Variants in NEK1 observed in about 807,000 individuals in gnomAD.
NEK1 encodes NIMA related kinase 1, also known as serine/threonine-protein kinase Nek1.
A neutral mutation model predicts 182.1 loss-of-function variants in NEK1; 137 were observed. The observed-to-expected ratio is 0.75, with a 90% CI of 0.65 to 0.87. The LOEUF (loss-of-function observed/expected upper bound fraction) is 0.87, where lower values mean the gene tolerates loss of function less well. Among genes scored for constraint, NEK1 ranks in the 40% least tolerant of loss-of-function variants. The pLI is 0.00. For missense variants in NEK1, 1,391 were observed against 1,494.4 expected, an observed-to-expected ratio of 0.93 and a Z score of 1.14; for synonymous variants, 513 against 492.2, an observed-to-expected ratio of 1.04 and a Z score of -0.56.
intron 5 of NEK1, among the ~76,000 whole-genome samples, chr4:169,591,153 C>G (rs527412871): frequency 2.0e-5 from 3 of 147,564 alleles, no homozygotes; most frequent in South Asian, 2.1e-4. Context: ...CGCCCCCCCC[C>G]CACTTCTTTA....
At chr4:169,604,098 T>G (rs1055534017) in intron 2 of NEK1, among the ~76,000 whole-genome samples, 1 of 152,226 alleles carries the variant, frequency 6.6e-6, no homozygotes, top group African/African-American at 2.4e-5. Flanking sequence ...TAAAAACTCC[T>G]TATGTAATGA....
intron 10 of NEK1, 32 bp downstream of exon 10, chr4:169,585,317 T>C (rs1767351923): frequency 1.3e-6 from 2 of 1,545,154 alleles, no homozygotes; most frequent in South Asian, 1.1e-5. Flanking sequence ...AACATAACCC[T>C]ACTGTTTAAT....
chr4:169,576,396 C>T (rs1297956955), intron 12 of NEK1, among the ~76,000 whole-genome samples: 1 of 152,204 alleles, frequency 6.6e-6, no homozygotes, highest in Admixed American at 6.5e-5. Flanking sequence ...ATGAAACAAG[C>T]TCCATATACC....
intron 31 of NEK1, among the ~76,000 whole-genome samples, chr4:169,421,063 A>T (rs949567794): frequency 1.3e-5 from 2 of 152,218 alleles, no homozygotes; most frequent in African/African-American, 4.8e-5. Context: ...AATGGCTATA[A>T]TAAAACCAGA....
At chr4:169,600,551 G>T (rs913497526) in intron 4 of NEK1, among the ~76,000 whole-genome samples, 12 of 152,076 alleles carry the variant, frequency 7.9e-5, no homozygotes, top group African/African-American at 2.7e-4. Context: ...CACTCGTGGT[G>T]CACATATCTT....
rs1409219826 is a variant in NEK1 at position 169,612,068 on chromosome 4, A to C, written c.-97T>G. ...GGAATAACGGTGATGACTAATAAGC[A>C]TCAGTCTAGGTGTGGCAGTCTTCCT... On this transcript the variant is annotated 5_prime_UTR_variant, in exon 2 of 36. It removes an upstream start codon present in the reference 5' UTR. Transcript: ENST00000507142. 1 of 152,252 alleles carries C rather than the reference A, an allele frequency of 6.6e-6. No individual in the cohort carries two copies. Among genetic ancestry groups the C allele is most frequent in the Non-Finnish European group, 1.5e-5 (1 of 68,052 alleles). The allele number at this position is 152,252 out of a possible 1,614,324, so 9.4% of individuals were successfully genotyped here.
At chr4:169,599,777 T>C (rs1000338713) in intron 4 of NEK1, among the ~76,000 whole-genome samples, 1 of 152,188 alleles carries the variant, frequency 6.6e-6, no homozygotes, top group East Asian at 1.9e-4. Context: ...TGAACAAACA[T>C]GAAGATGGGC....
In NEK1 at chr4:169,508,818, C is replaced by T; in HGVS notation, c.1700G>A (p.Gly567Asp). Residue 567 changes from glycine to aspartate, a missense_variant, in exon 20 of 36, where the codon GGC (glycine) becomes GAC (aspartate). Physicochemically the swap from Gly to Asp is moderately conservative, Grantham distance 94. This residue lies in a region of NEK1 where 1,216 missense variants were observed against 1,277.6 expected (regional missense o/e 0.95). Transcript: ENST00000507142. ...ILQNLAAMYG[G>D]RPSSSRGGKP... ...CCCTCCTCTTGAAGAGCTGGGCCTG[C>T]CTCCATACATAGCTGCCAGGTTTTG... 1.9e-6 allele frequency: 3 copies of T among 1,592,042 alleles called. No individual in the cohort carries two copies. Among genetic ancestry groups the T allele is most frequent in the Non-Finnish European group, 2.5e-6 (3 of 1,176,862 alleles).
At chr4:169,418,528 A>T (rs1172878853) in intron 31 of NEK1, among the ~76,000 whole-genome samples, 2 of 152,196 alleles carry the variant, frequency 1.3e-5, no homozygotes, top group Non-Finnish European at 2.9e-5. Flanking sequence ...GTATTAAAGG[A>T]TAAACACGAA....
In NEK1 at chr4:169,576,998, A is replaced by G. The variant is rs1765789930; in HGVS notation, c.950T>C (p.Ile317Thr). The change falls in exon 12 of 36, where the codon ATA becomes ACA. Residue 317 changes from isoleucine to threonine, a missense_variant. Transcript: ENST00000507142. ...TCCATATTTCTTATATGCTAAAGGT[A>G]TTCCATATTTAGCGGCAGGCTTTGT... Reference protein sequence around the residue: ...KITKPAAKYGIPLAYKKYGDK... With the variant: ...KITKPAAKYGTPLAYKKYGDK... 3 of 1,612,262 alleles carry G rather than the reference A, an allele frequency of 1.9e-6. No individual in the cohort carries two copies. Among genetic ancestry groups the G allele is most frequent in the African/African-American group, 2.7e-5 (2 of 74,884 alleles).
rs766089841 is a variant in NEK1 at position 169,585,385 on chromosome 4, A to C, written c.771T>G (p.Phe257Leu). The C allele has an allele frequency of 6.2e-7, 1 of 1,613,588 alleles. No individual in the cohort carries two copies. The highest frequency in any genetic ancestry group is 1.1e-5 in the South Asian group (1 of 91,032). ...GAAACTTTTCAATGCGTTTGGCTAT[A>C]AAACCTTTCTCCAATATGGAGTTGA... ...PSVNSILEKG[F>L]IAKRIEKFLS... The change falls in exon 10 of 36, where the codon TTT becomes TTG. Residue 257 changes from phenylalanine (F) to leucine (L), a missense_variant. Physicochemically the swap from Phe to Leu is conservative, Grantham distance 22. Coordinates refer to ENST00000507142, the MANE Select transcript of NEK1 (RefSeq NM_001199397.3).
intron 12 of NEK1, among the ~76,000 whole-genome samples, chr4:169,574,464 T>C (rs1368489087): frequency 2.0e-5 from 3 of 148,972 alleles, no homozygotes; most frequent in Admixed American, 6.6e-5. Context: ...CTGGGTGTGG[T>C]GGCGGGCGCC....
intron 27 of NEK1, among the ~76,000 whole-genome samples, chr4:169,439,845 CTTTTTTTTTT>C (rs33985502): frequency 7.7e-5 from 9 of 116,384 alleles, no homozygotes; most frequent in Admixed American, 6.2e-4. Flanking sequence ...GTTAGGGTAT[CTTTTTTTTTT>C]TTTTTTTTTT....
intron 12 of NEK1, among the ~76,000 whole-genome samples, chr4:169,565,788 T>G (rs1763579632): frequency 1.3e-5 from 2 of 152,158 alleles, no homozygotes; most frequent in Admixed American, 1.3e-4. Flanking sequence ...AGAGGCTGCC[T>G]AGGGCTGCGG....
At chr4:169,537,048 TAA>T (rs1678604289) in intron 19 of NEK1, among the ~76,000 whole-genome samples, 1 of 152,196 alleles carries the variant, frequency 6.6e-6, no homozygotes, top group Admixed American at 6.5e-5. Flanking sequence ...AGATATGTAA[TAA>T]GTCTAATTAA....
At chr4:169,601,888 G>A (rs929171360) in intron 4 of NEK1, 120 bp downstream of exon 4, 1 of 693,120 alleles carries the variant, frequency 1.4e-6, no homozygotes, top group Middle Eastern at 3.0e-4. Context: ...CTTGAATCAA[G>A]CTGATATTCA....
chr4:169,434,969 T>C (rs1443177148), intron 28 of NEK1, among the ~76,000 whole-genome samples: 1 of 152,254 alleles, frequency 6.6e-6, no homozygotes, highest in Non-Finnish European at 1.5e-5. Context: ...ATTTATTCTC[T>C]GGTCTATCAA....
rs1282899158 is a variant in NEK1 at position 169,571,103 on chromosome 4, T to C, written c.1020+5825A>G. On this transcript the variant is annotated intron_variant, in intron 12 of 35. Transcript: ENST00000507142. ...GACCTTTGTTCACTTGTTTATCTGC[T>C]GACCTTCCCTCCACTATTGTCCTAT... 2.0e-5 allele frequency among the ~76,000 whole-genome samples: 3 copies of C among 151,844 alleles called. No individual in the cohort carries two copies. In the South Asian group the frequency reaches 6.2e-4, roughly 32 times the overall value.
intron 34 of NEK1, 71 bp from the exon 35 acceptor site, chr4:169,400,428 TATA>T: frequency 6.9e-7 from 1 of 1,445,756 alleles, no homozygotes; most frequent in Non-Finnish European, 9.2e-7. Context: ...ACTTTTTATT[TATA>T]ATAAATCTAA....
Sources: allele counts gnomAD v4.1 joint callset (sites outside exome capture counted in the v4.1 genomes callset), GRCh38; gene constraint gnomAD v4.1.1; regional missense constraint gnomAD v4.1.1; transcripts MANE v1.5; gene names NCBI Gene and HGNC (gene_info 2026-07-23, HGNC 2026-07-21).